MSI2: variants seen among roughly 807,000 people sequenced by gnomAD.
MSI2 encodes the protein RNA-binding protein Musashi homolog 2.
In MSI2, 17 loss-of-function variants were observed where a neutral mutation model predicts 45.6. That is an observed-to-expected ratio of 0.37 (90% CI 0.26 to 0.56). The LOEUF (loss-of-function observed/expected upper bound fraction) is 0.56, where lower values mean the gene tolerates loss of function less well. Among genes scored for constraint, MSI2 ranks in the 20% least tolerant of loss-of-function variants. The pLI is 0.77. For missense variants in MSI2, 293 were observed against 444.2 expected (o/e 0.66, Z 3.06); for synonymous variants, 156 against 158.2 (o/e 0.99, Z 0.11).
rs746250384 is a variant in MSI2 at position 57,506,343 on chromosome 17, G to A, written c.406-23333G>A. On this transcript the variant is annotated intron_variant, in intron 6 of 13. Transcript: ENST00000284073. ...TCTAAAGGACTCGGGGAAAACCTGCGGGGTTATTATGGCTCATTTGGTAGA... is the reference window on the plus strand; with the variant it reads ...TCTAAAGGACTCGGGGAAAACCTGCAGGGTTATTATGGCTCATTTGGTAGA... 2.8e-4 allele frequency among the ~76,000 whole-genome samples: 42 copies of A among 152,210 alleles called. 1 individual carries two copies. The highest frequency in any genetic ancestry group is 6.5e-5 in the Admixed American group (1 of 15,282).
At chr17:57,289,221 T>C (rs540253563) in intron 5 of MSI2, among the ~76,000 whole-genome samples, 28 of 152,286 alleles carry the variant, frequency 1.8e-4, no homozygotes, top group Non-Finnish European at 3.4e-4. Flanking sequence ...GTCTTCCCTT[T>C]TGGTTAAGTG....
At position 57,683,995 on chromosome 17, in the gene MSI2, C is replaced by T. The variant is rs1913775897; in HGVS notation, c.*4478C>T. 3 of 228,058 alleles carry T rather than the reference C, an allele frequency of 1.3e-5. No individual in the cohort carries two copies. The highest frequency in any genetic ancestry group is 6.2e-5 in the East Asian group (1 of 16,068). 14.1% of individuals were successfully genotyped at this position (228,058 alleles called of 1,614,324 possible). ...CAAAAACATATAAATAAAATCCATC[C>T]CTCTTGTCGGGGACCTGCAGGGGGG... On this transcript the variant is annotated 3_prime_UTR_variant, in exon 14 of 14. Coordinates refer to ENST00000284073, the MANE Select transcript of MSI2 (RefSeq NM_138962.4). This position sits in a 1 kb window ranked among gnomAD's most constrained non-coding sequence, Gnocchi z 5.2.
chr17:57,286,245 T>C lies in MSI2; in HGVS notation c.312+24053T>C, dbSNP rs941082931. On this transcript the variant is annotated intron_variant, in intron 5 of 13. Coordinates refer to ENST00000284073, the MANE Select transcript of MSI2 (RefSeq NM_138962.4). ...ACAACAAATAGTCTTTTTTTTTTTT[T>C]CCTCAGACTGAGCACACATTTTAAG... Among the ~76,000 whole-genome samples, 347 of 152,086 alleles carry C rather than the reference T, an allele frequency of 2.3e-3. 2 individuals carry two copies. The highest frequency in any genetic ancestry group is 8.0e-3 in the African/African-American group (332 of 41,496).
the MSI2 span, among the ~76,000 whole-genome samples, chr17:57,699,293 G>C: frequency 6.6e-6 from 1 of 150,644 alleles, no homozygotes; most frequent in Non-Finnish European, 1.5e-5. Flanking sequence ...GAGAGAGAGA[G>C]TGTGTAAGCT....
At position 57,512,968 on chromosome 17, in the gene MSI2, C is replaced by CT. The variant is rs34727727; in HGVS notation, c.406-16691dup. ...ATATTGCACATGAATTAGCTTCTTC[C>CT]TTTTTTTTTTTTTTTTTCCTTCTGA... On this transcript the variant is annotated intron_variant, in intron 6 of 13. Transcript: ENST00000284073. Among the ~76,000 whole-genome samples the CT allele has an allele frequency of 4.7e-3, 542 of 114,736 alleles. 16 individuals are homozygous for CT. The highest frequency in any genetic ancestry group is 9.7e-3 in the Middle Eastern group (2 of 206). The allele number at this position is 114,736 out of a possible 152,430, so 75.3% of individuals were successfully genotyped here. A position where few individuals can be genotyped will look rare whatever the true frequency, so the allele number is the denominator to read the frequency against.
At chr17:57,503,947 G>A (rs752454426) in intron 6 of MSI2, among the ~76,000 whole-genome samples, 27 of 152,168 alleles carry the variant, frequency 1.8e-4, no homozygotes, top group Admixed American at 7.9e-4. Flanking sequence ...TGTTGGTCAC[G>A]CTGGTCTCGA....
At chr17:57,323,248 C>G (rs1483459184) in intron 5 of MSI2, among the ~76,000 whole-genome samples, 2 of 152,158 alleles carry the variant, frequency 1.3e-5, no homozygotes, top group African/African-American at 4.8e-5. Context: ...CAGATTGAGT[C>G]TACAAAGACC....
At chr17:57,434,680 A>G (rs1408655255) in intron 6 of MSI2, among the ~76,000 whole-genome samples, 1 of 152,000 alleles carries the variant, frequency 6.6e-6, no homozygotes, top group Non-Finnish European at 1.5e-5. Flanking sequence ...TACCTGCCTT[A>G]TTTCACTTAG....
chr17:57,570,545 C>A (rs17834633), intron 7 of MSI2, among the ~76,000 whole-genome samples: 2 of 152,098 alleles, frequency 1.3e-5, no homozygotes, highest in Non-Finnish European at 2.9e-5. Context: ...AGACCCAAGT[C>A]GAATCTCTTC....
At chr17:57,401,340 C>G in intron 5 of MSI2, 39 bp from the exon 6 acceptor site, 1 of 1,546,912 alleles carries the variant, frequency 6.5e-7, no homozygotes. Flanking sequence ...CTTTAGATAA[C>G]CTGGTTAACC....
chr17:57,418,864 T>C (rs1230493539), intron 6 of MSI2, among the ~76,000 whole-genome samples: 1 of 152,234 alleles, frequency 6.6e-6, no homozygotes, highest in Admixed American at 6.5e-5. Flanking sequence ...ACCAGTGACA[T>C]TGACATGTCA....
At chr17:57,479,537 T>G (rs1212586669) in intron 6 of MSI2, among the ~76,000 whole-genome samples, 1 of 152,200 alleles carries the variant, frequency 6.6e-6, no homozygotes, top group Non-Finnish European at 1.5e-5. Context: ...AAATGATAAT[T>G]ATATTTAATT....
the MSI2 span, among the ~76,000 whole-genome samples, chr17:57,694,383 T>G: frequency 2.0e-5 from 3 of 152,316 alleles, no homozygotes; most frequent in Admixed American, 2.0e-4. Flanking sequence ...GCCTTCCTTG[T>G]GTGCTTGTGC....
intron 6 of MSI2, among the ~76,000 whole-genome samples, chr17:57,447,589 T>TG (rs35666108): frequency 0.11 from 17,147 of 150,698 alleles, 1,036 homozygotes; most frequent in East Asian, 0.21. Context: ...GTGGCATGGG[T>TG]GGGGGGGGTG....
Position 57,275,305 on chromosome 17 carries a change from G to A in MSI2, c.312+13113G>A, listed in dbSNP as rs912017076. Among the ~76,000 whole-genome samples, 16 of 152,246 alleles carry A rather than the reference G, an allele frequency of 1.1e-4. 1 individual carries two copies. The highest frequency in any genetic ancestry group is 1.0e-3 in the Admixed American group (16 of 15,290). On this transcript the variant is annotated intron_variant, in intron 5 of 13. Coordinates refer to ENST00000284073, the MANE Select transcript of MSI2 (RefSeq NM_138962.4). ...GGTAGGAACTGGGAGCACAGGGCTG[G>A]ATGGTCCAAGAGGAGAGAGTAACTT...
Position 57,661,491 on chromosome 17 carries a change from G to A in MSI2, c.790+9330G>A, listed in dbSNP as rs187244230. On this transcript the variant is annotated intron_variant, in intron 11 of 13. Transcript: ENST00000284073. ...GGTTCGTATTCTTCATGCAAGTGGC[G>A]CTCAGTAAGGACAGAACCATCTAAA... 6.6e-5 allele frequency among the ~76,000 whole-genome samples: 10 copies of A among 152,198 alleles called. No individual in the cohort carries two copies. The East Asian group carries it at 9.7e-4, about 15-fold the overall frequency.
At chr17:57,621,964 G>A (rs573561816) in intron 9 of MSI2, among the ~76,000 whole-genome samples, 42 of 152,314 alleles carry the variant, frequency 2.8e-4, no homozygotes, top group African/African-American at 8.4e-4. Flanking sequence ...CCAGGAGGCC[G>A]AGGCGGGCAG....
At chr17:57,541,151 T>TAG (rs55999583) in intron 7 of MSI2, among the ~76,000 whole-genome samples, 70,442 of 148,862 alleles carry the variant, frequency 0.47, 16,607 homozygotes, top group East Asian at 0.76. Context: ...TACATTTTGG[T>TAG]AGAGAGAGAG....
chr17:57,356,197 A>AGGAAAGAGAGTGACGG (rs1916402365), intron 5 of MSI2, among the ~76,000 whole-genome samples: 1 of 152,192 alleles, frequency 6.6e-6, no homozygotes, highest in South Asian at 2.1e-4. Context: ...TCTTTTGCTT[A>AGGAAAGAGAGTGACGG]GGAAAGAGAG....
Sources: allele counts gnomAD v4.1 joint callset (sites outside exome capture counted in the v4.1 genomes callset), GRCh38; gene constraint gnomAD v4.1.1; non-coding constraint Gnocchi (gnomAD v3.1); transcripts MANE v1.5; gene names NCBI Gene and HGNC (gene_info 2026-07-23, HGNC 2026-07-21).